The following TULP4 variants were observed in gnomAD, a reference collection of about 807,000 sequenced individuals.
TULP4 encodes tubby-related protein 4.
A neutral mutation model predicts 129.0 loss-of-function variants in TULP4; 16 were observed. The observed-to-expected ratio is 0.12, with a 90% CI of 0.08 to 0.19. The LOEUF (loss-of-function observed/expected upper bound fraction) is 0.19, where lower values mean the gene tolerates loss of function less well. TULP4 is among the 10% of genes least tolerant of loss of function. The pLI is 1.00. For missense variants in TULP4, 1,842 were observed against 2,059.1 expected, an observed-to-expected ratio of 0.89 and a Z score of 2.04; for synonymous variants, 998 against 854.0, an observed-to-expected ratio of 1.17 and a Z score of -2.94.
chr6:158,502,942 C>G lies in TULP4; in HGVS notation c.3279C>G (p.Ala1093=), dbSNP rs1381417313. Residue 1093 remains alanine, a synonymous_variant, in exon 13 of 14, where the codon GCC becomes GCG. Coordinates refer to ENST00000367097, the MANE Select transcript of TULP4 (RefSeq NM_020245.5). ...ACTCGGCCTTCACGGAGGACGAGGCCCTGTCCCAGCACTGTCAGCTTGAGA... is the reference window on the plus strand; with the variant it reads ...ACTCGGCCTTCACGGAGGACGAGGCGCTGTCCCAGCACTGTCAGCTTGAGA... ...YVNSAFTEDE[A]LSQHCQLEKP... 3.7e-6 allele frequency: 6 copies of G among 1,614,044 alleles called. No homozygotes were observed. Among genetic ancestry groups the G allele is most frequent in the Non-Finnish European group, 5.1e-6 (6 of 1,180,012 alleles).
At position 158,502,238 on chromosome 6, in the gene TULP4, C is replaced by G; in HGVS notation, c.2575C>G (p.Pro859Ala). 1 of 1,579,384 alleles carries G rather than the reference C, an allele frequency of 6.3e-7. No individual in the cohort carries two copies. Among genetic ancestry groups the G allele is most frequent in the Non-Finnish European group, 8.6e-7 (1 of 1,156,628 alleles). ...CCCGCCCCCTCTGCCGCCCCCACAG[C>G]CCCCAGTGGATGTGTGCTTGAAGAA... is the stretch of plus-strand genomic sequence containing the variant. The part of the protein sequence containing the change: ...APPPPLPPPQ[P>A]PVDVCLKKGD... The change falls in exon 13 of 14, where the codon CCC becomes GCC. Residue 859 changes from proline to alanine, a missense_variant. By Grantham distance (27) the Pro-to-Ala change is conservative. Coordinates refer to ENST00000367097, the MANE Select transcript of TULP4 (RefSeq NM_020245.5).
intron 1 of TULP4, among the ~76,000 whole-genome samples, chr6:158,366,475 CAGCCAT>C (rs1780967363): frequency 6.6e-6 from 1 of 152,212 alleles, no homozygotes; most frequent in Non-Finnish European, 1.5e-5. Context: ...GGCTTTATCT[CAGCCAT>C]AGCCTCCGGT....
chr6:158,262,207 C>T (rs559106817), intron 1 of TULP4, among the ~76,000 whole-genome samples: 8 of 152,318 alleles, frequency 5.3e-5, no homozygotes, highest in African/African-American at 1.9e-4. Flanking sequence ...AAGGCACCTG[C>T]TGTCACAAAC....
chr6:158,321,990 C>G (rs1395939522), intron 1 of TULP4, among the ~76,000 whole-genome samples: 1 of 152,186 alleles, frequency 6.6e-6, no homozygotes, highest in Non-Finnish European at 1.5e-5. Flanking sequence ...TTCACCCTCT[C>G]CTGAAGAAGG....
chr6:158,489,831 A>G (rs1780158956), intron 9 of TULP4, 99 bp downstream of exon 9: 1 of 1,391,408 alleles, frequency 7.2e-7, no homozygotes, highest in Non-Finnish European at 9.8e-7. Context: ...AGAAGAGTCA[A>G]AGAGCAACCT....
chr6:158,457,896 G>A (rs572565958), intron 5 of TULP4, among the ~76,000 whole-genome samples: 1 of 149,910 alleles, frequency 6.7e-6, no homozygotes, highest in South Asian at 2.2e-4. Context: ...CTTTTTTTCA[G>A]TCCTTGCAGT....
At chr6:158,394,164 A>G (rs1272905606) in intron 1 of TULP4, among the ~76,000 whole-genome samples, 27 of 152,232 alleles carry the variant, frequency 1.8e-4, no homozygotes, top group Admixed American at 1.8e-3. Flanking sequence ...CAGAGGCACA[A>G]TGCCTCCAGT....
intron 1 of TULP4, among the ~76,000 whole-genome samples, chr6:158,368,672 A>G (rs2114867175): frequency 6.6e-6 from 1 of 152,330 alleles, no homozygotes; most frequent in African/African-American, 2.4e-5. Flanking sequence ...TAAAAGAGGA[A>G]TGGATCCTCA....
At chr6:158,263,006 A>T (rs1407884900) in intron 1 of TULP4, among the ~76,000 whole-genome samples, 3 of 77,392 alleles carry the variant, frequency 3.9e-5, no homozygotes, top group Non-Finnish European at 6.8e-5. Context: ...GCAAGGAAGT[A>T]AAACAGATGT....
intron 1 of TULP4, among the ~76,000 whole-genome samples, chr6:158,299,908 AG>A (rs1779103867): frequency 6.6e-6 from 1 of 152,248 alleles, no homozygotes; most frequent in Admixed American, 6.5e-5. Context: ...GTGCTAAAGG[AG>A]GAAGAGAAGA....
At chr6:158,453,556 C>T (rs1271234975) in intron 5 of TULP4, among the ~76,000 whole-genome samples, 17 of 147,450 alleles carry the variant, frequency 1.2e-4, no homozygotes, top group Non-Finnish European at 1.9e-4. Flanking sequence ...TTTGGGAGGC[C>T]GAGGCGGGCA....
At chr6:158,272,260 T>A (rs1379407663) in intron 1 of TULP4, among the ~76,000 whole-genome samples, 1 of 152,218 alleles carries the variant, frequency 6.6e-6, no homozygotes, top group South Asian at 2.1e-4. Flanking sequence ...TGGTCACCAA[T>A]GTTTTTATCA....
At chr6:158,378,551 C>A (rs1213753648) in intron 1 of TULP4, among the ~76,000 whole-genome samples, 1 of 133,906 alleles carries the variant, frequency 7.5e-6, no homozygotes, top group Non-Finnish European at 1.5e-5. Flanking sequence ...GTGGTGTGAT[C>A]TCAGCTCACT....
At chr6:158,288,430 T>C (rs1778866547) in intron 1 of TULP4, among the ~76,000 whole-genome samples, 1 of 152,166 alleles carries the variant, frequency 6.6e-6, no homozygotes, top group African/African-American at 2.4e-5. Flanking sequence ...TTGCTATAGA[T>C]TGTAGGTAAA....
At chr6:158,491,798 C>T (rs912331610) in intron 9 of TULP4, among the ~76,000 whole-genome samples, 2 of 151,480 alleles carry the variant, frequency 1.3e-5, no homozygotes, top group Admixed American at 1.3e-4. Flanking sequence ...GCCCAAGCTC[C>T]TGTGTACCCT....
chr6:158,501,619 C>A, intron 12 of TULP4, 59 bp from the exon 13 acceptor site: 1 of 1,522,240 alleles, frequency 6.6e-7, no homozygotes, highest in Non-Finnish European at 9.0e-7. Context: ...ATTGCTTATC[C>A]TGATCTGGTT....
intron 1 of TULP4, among the ~76,000 whole-genome samples, chr6:158,262,594 C>T (rs757121061): frequency 1.2e-4 from 19 of 152,180 alleles, no homozygotes; most frequent in Admixed American, 7.2e-4. Flanking sequence ...CCTAGTTCTT[C>T]TGCAAAGAAT....
At position 158,506,822 on chromosome 6, in the gene TULP4, C is replaced by T. The variant is rs1445151232; in HGVS notation, c.*128C>T. 1.6e-5 allele frequency: 11 copies of T among 670,420 alleles called. No homozygotes were observed. The highest frequency in any genetic ancestry group is 1.6e-4 in the East Asian group (6 of 38,134). 41.5% of individuals were successfully genotyped at this position (670,420 alleles called of 1,614,324 possible). A position where few individuals can be genotyped will look rare whatever the true frequency, so the allele number is the denominator to read the frequency against. On this transcript the variant is annotated 3_prime_UTR_variant, in exon 14 of 14. Transcript: ENST00000367097. ...AGCCAACAGCAAAACTGGAAAAGCC[C>T]GGCAGGCCCAGGAGAGGGCGCTGAC...
At chr6:158,505,841 C>T (rs1780587860) in intron 13 of TULP4, among the ~76,000 whole-genome samples, 1 of 152,110 alleles carries the variant, frequency 6.6e-6, no homozygotes, top group Non-Finnish European at 1.5e-5. Context: ...TTCATTTGGC[C>T]TGTAGCATTC....
Sources: gnomAD v4.1 joint callset for allele counts (sites outside exome capture counted in the v4.1 genomes callset) on GRCh38, gnomAD v4.1.1 for gene constraint, MANE v1.5 for transcripts, NCBI Gene and HGNC (gene_info 2026-07-23, HGNC 2026-07-21) for gene names.